The following SLC4A4 variants were observed in gnomAD, a reference collection of about 807,000 sequenced individuals.
SLC4A4 encodes solute carrier family 4 member 4, also known as electrogenic sodium bicarbonate cotransporter 1.
A neutral mutation model predicts 111.5 loss-of-function variants in SLC4A4; 27 were observed. That is an observed-to-expected ratio of 0.24 (90% CI 0.18 to 0.33). The LOEUF (loss-of-function observed/expected upper bound fraction) is 0.33, where lower values mean the gene tolerates loss of function less well. Among genes scored for constraint, SLC4A4 ranks in the 10% least tolerant of loss-of-function variants. The probability of loss-of-function intolerance (pLI) is 1.00; values close to 1 mark genes in which losing one functional copy is unlikely to be tolerated. For missense variants in SLC4A4, 909 were observed against 1,315.5 expected, an observed-to-expected ratio of 0.69 and a Z score of 4.78; for synonymous variants, 443 against 463.4, an observed-to-expected ratio of 0.96 and a Z score of 0.57.
intron 3 of SLC4A4, among the ~76,000 whole-genome samples, chr4:71,260,405 A>G (rs948106922): frequency 2.0e-5 from 3 of 152,154 alleles, no homozygotes; most frequent in Admixed American, 6.5e-5. Flanking sequence ...AATTTTCTAC[A>G]TGCCATTGGT....
At position 71,569,559 on chromosome 4, in the gene SLC4A4, G is replaced by A. The variant is rs1382926777; in HGVS notation, c.*1808G>A. 1 of 151,494 alleles carries A rather than the reference G, an allele frequency of 6.6e-6. No homozygotes were observed. The highest frequency in any genetic ancestry group is 1.9e-4 in the East Asian group (1 of 5,150). 9.4% of individuals were successfully genotyped at this position (151,494 alleles called of 1,614,324 possible). On this transcript the variant is annotated 3_prime_UTR_variant, in exon 26 of 26. Coordinates refer to ENST00000264485, the MANE Select transcript of SLC4A4 (RefSeq NM_001098484.3). ...ATATGATACATTACATATTGTGAATGTATACTAAAAAAACATTTTAAATGT... is the reference window on the plus strand; with the variant it reads ...ATATGATACATTACATATTGTGAATATATACTAAAAAAACATTTTAAATGT...
rs571452523 is a variant in SLC4A4 at position 71,494,064 on chromosome 4, A to G, written c.1975-3437A>G. On this transcript the variant is annotated intron_variant, in intron 15 of 25. Coordinates refer to ENST00000264485, the MANE Select transcript of SLC4A4 (RefSeq NM_001098484.3). Reference sequence around the variant, plus strand: ...TTTTCCCTTGTAGTTTTATTGTCTTACAACTGCAATGATCAGCTCTTTCCT... The same window carrying G: ...TTTTCCCTTGTAGTTTTATTGTCTTGCAACTGCAATGATCAGCTCTTTCCT... Among the ~76,000 whole-genome samples, 72 of 151,926 alleles carry G rather than the reference A, an allele frequency of 4.7e-4. 1 individual carries two copies. The highest frequency in any genetic ancestry group is 4.4e-5 in the Non-Finnish European group (3 of 67,932).
At chr4:71,312,350 G>A (rs544046944) in intron 3 of SLC4A4, among the ~76,000 whole-genome samples, 4 of 152,262 alleles carry the variant, frequency 2.6e-5, no homozygotes, top group Non-Finnish European at 5.9e-5. Context: ...GGTACAAAGA[G>A]GAGCTGGTAC....
At chr4:71,555,915 C>A (rs898156578) in intron 21 of SLC4A4, among the ~76,000 whole-genome samples, 5 of 151,852 alleles carry the variant, frequency 3.3e-5, no homozygotes, top group Non-Finnish European at 7.4e-5. Context: ...GGGACTTTGT[C>A]TTTCAATTGG....
At chr4:71,299,044 T>A (rs1725016701) in intron 3 of SLC4A4, among the ~76,000 whole-genome samples, 1 of 152,232 alleles carries the variant, frequency 6.6e-6, no homozygotes, top group Non-Finnish European at 1.5e-5. Flanking sequence ...CATCTAGGTG[T>A]TCATAATGTG....
At chr4:71,198,823 A>G (rs1287914695) in intron 1 of SLC4A4, among the ~76,000 whole-genome samples, 3 of 152,112 alleles carry the variant, frequency 2.0e-5, no homozygotes, top group Non-Finnish European at 4.4e-5. Context: ...AAAAAAATAC[A>G]TAACTGAGAG....
intron 2 of SLC4A4, among the ~76,000 whole-genome samples, chr4:71,135,596 C>T (rs1234959841): frequency 6.6e-6 from 1 of 152,010 alleles, no homozygotes; most frequent in East Asian, 1.9e-4. Flanking sequence ...GTGCCCGGCT[C>T]ACAATCTACT....
chr4:71,498,328 G>C (rs552837428), intron 16 of SLC4A4, among the ~76,000 whole-genome samples: 1 of 152,130 alleles, frequency 6.6e-6, no homozygotes, highest in Non-Finnish European at 1.5e-5. Flanking sequence ...TATAAGAAAA[G>C]ACTAATATTT....
At chr4:71,420,837 A>G (rs1291900015) in intron 7 of SLC4A4, among the ~76,000 whole-genome samples, 3 of 148,816 alleles carry the variant, frequency 2.0e-5, no homozygotes, top group Non-Finnish European at 3.0e-5. Flanking sequence ...TGAAGGAAGC[A>G]CTAAACATGG....
intron 5 of SLC4A4, among the ~76,000 whole-genome samples, chr4:71,350,553 T>A (rs900127971): frequency 6.6e-6 from 1 of 152,092 alleles, no homozygotes; most frequent in Non-Finnish European, 1.5e-5. Context: ...GTACTTCAGA[T>A]GCATGAAAAG....
At chr4:71,407,693 A>G (rs1720987293) in intron 7 of SLC4A4, among the ~76,000 whole-genome samples, 1 of 152,242 alleles carries the variant, frequency 6.6e-6, no homozygotes, top group African/African-American at 2.4e-5. Context: ...GACTTAGTTC[A>G]TCTAATAAAT....
At chr4:71,150,897 T>C (rs1160500516) in intron 2 of SLC4A4, among the ~76,000 whole-genome samples, 1 of 152,156 alleles carries the variant, frequency 6.6e-6, no homozygotes, top group African/African-American at 2.4e-5. Context: ...AGAAGAGTTA[T>C]GGTTCAATCA....
At chr4:71,232,136 A>G (rs1647785241) in intron 1 of SLC4A4, among the ~76,000 whole-genome samples, 1 of 152,132 alleles carries the variant, frequency 6.6e-6, no homozygotes, top group African/African-American at 2.4e-5. Context: ...TTTGCTTCCT[A>G]CAGGGAAGAG....
intron 2 of SLC4A4, among the ~76,000 whole-genome samples, chr4:71,117,319 G>A (rs567798572): frequency 1.3e-5 from 2 of 152,228 alleles, no homozygotes; most frequent in South Asian, 4.1e-4. Context: ...TGTAATGAAA[G>A]GAGTTGGAAG....
intron 7 of SLC4A4, among the ~76,000 whole-genome samples, chr4:71,398,590 T>C (rs1482277897): frequency 6.6e-6 from 1 of 152,102 alleles, no homozygotes; most frequent in Non-Finnish European, 1.5e-5. Flanking sequence ...TTCAAAGTTT[T>C]GAAGAAATGA....
chr4:71,091,675 A>G (rs906219331), intron 1 of SLC4A4, among the ~76,000 whole-genome samples: 1 of 152,124 alleles, frequency 6.6e-6, no homozygotes, highest in Non-Finnish European at 1.5e-5. Context: ...GTTTCTATGG[A>G]CATTCTGAAA....
intron 7 of SLC4A4, among the ~76,000 whole-genome samples, chr4:71,412,139 A>G (rs1721413142): frequency 6.6e-6 from 1 of 152,274 alleles, no homozygotes; most frequent in South Asian, 2.1e-4. Context: ...AACCACAGGA[A>G]TTTCACAAGA....
At chr4:71,372,682 C>T (rs1463726407) in intron 6 of SLC4A4, among the ~76,000 whole-genome samples, 1 of 152,188 alleles carries the variant, frequency 6.6e-6, no homozygotes, top group Non-Finnish European at 1.5e-5. Flanking sequence ...TATGCACATT[C>T]CTGGCATCTG....
At chr4:71,178,131 C>A (rs565513563) in intron 2 of SLC4A4, among the ~76,000 whole-genome samples, 2 of 151,816 alleles carry the variant, frequency 1.3e-5, no homozygotes, top group African/African-American at 2.4e-5. Flanking sequence ...TTGAAACCAA[C>A]GAGAAAAAAG....
Sources: gnomAD v4.1 joint callset for allele counts (sites outside exome capture counted in the v4.1 genomes callset) on GRCh38, gnomAD v4.1.1 for gene constraint, MANE v1.5 for transcripts, NCBI Gene and HGNC (gene_info 2026-07-23, HGNC 2026-07-21) for gene names.